EIF2B3: variants seen among roughly 807,000 people sequenced by gnomAD.
EIF2B3 encodes the protein eukaryotic translation initiation factor 2B subunit gamma.
A neutral mutation model predicts 54.1 loss-of-function variants in EIF2B3; 20 were observed. That is an observed-to-expected ratio of 0.37 (90% CI 0.26 to 0.54). The LOEUF (loss-of-function observed/expected upper bound fraction) is 0.54. Ranked by LOEUF, EIF2B3 falls within the 20% of genes least tolerant of loss-of-function variation. The pLI is 0.86. For missense variants in EIF2B3, 448 were observed against 547.8 expected (o/e 0.82, Z 1.82); for synonymous variants, 153 against 188.1 (o/e 0.81, Z 1.52).
At chr1:44,968,830 G>A (rs449870) in intron 3 of EIF2B3, among the ~76,000 whole-genome samples, 1,795 of 151,914 alleles carry the variant, frequency 0.012, 21 homozygotes, top group African/African-American at 0.025. Flanking sequence ...CTGGGAGGCG[G>A]AGGTTGCAGT....
intron 3 of EIF2B3, among the ~76,000 whole-genome samples, chr1:44,953,032 T>C (rs1644184692): frequency 6.6e-6 from 1 of 152,104 alleles, no homozygotes; most frequent in African/African-American, 2.4e-5. Context: ...AATCGAATAA[T>C]TGAATGCTTT....
At chr1:44,975,216 GA>G (rs375329264) in intron 3 of EIF2B3, among the ~76,000 whole-genome samples, 3 of 147,408 alleles carry the variant, frequency 2.0e-5, no homozygotes, top group Non-Finnish European at 4.5e-5. Context: ...GCTGTCTCAA[GA>G]AAAAAAAAAT....
intron 3 of EIF2B3, among the ~76,000 whole-genome samples, chr1:44,967,189 G>C (rs532635425): frequency 1.7e-4 from 26 of 151,078 alleles, no homozygotes; most frequent in African/African-American, 6.1e-4. Context: ...GCTCACGCTT[G>C]TAATCCCAGC....
chr1:44,880,901 C>T (rs1204831505), intron 7 of EIF2B3, among the ~76,000 whole-genome samples: 1 of 151,790 alleles, frequency 6.6e-6, no homozygotes, highest in Non-Finnish European at 1.5e-5. Flanking sequence ...GCGGAGCTTG[C>T]AGTGAGCCGA....
chr1:44,967,049 C>T (rs111423063), intron 3 of EIF2B3, among the ~76,000 whole-genome samples: 28,512 of 151,528 alleles, frequency 0.19, 2,846 homozygotes, highest in African/African-American at 0.23. Context: ...CTCTTGACCT[C>T]GTGATCTGCC....
rs965788781 is a variant in EIF2B3, at chr1:44,879,884, G to A, written c.909C>T (p.His303=). The change falls in exon 8 of 12, where the codon CAC becomes CAT. Residue 303 remains histidine (H), a synonymous_variant. Transcript: ENST00000360403. Reference sequence around the variant, plus strand: ...GAGAGCAGAGCCCCTCTTTCATGATGTGGACATAGCAGCGCACCTGTGATC... The same window carrying A: ...GAGAGCAGAGCCCCTCTTTCATGATATGGACATAGCAGCGCACCTGTGATC... ...LSRSQVRCYV[H]IMKEGLCSRV... is the part of the protein sequence containing the mutation. The A allele has an allele frequency of 6.2e-7, 1 of 1,614,184 alleles. No individual in the cohort carries two copies. The highest frequency in any genetic ancestry group is 8.5e-7 in the Non-Finnish European group (1 of 1,180,050).
intron 10 of EIF2B3, among the ~76,000 whole-genome samples, chr1:44,860,133 G>A (rs1468125172): frequency 6.6e-6 from 1 of 150,528 alleles, no homozygotes; most frequent in Non-Finnish European, 1.5e-5. Context: ...CATGACCACC[G>A]CTCCTGGCCA....
intron 3 of EIF2B3, among the ~76,000 whole-genome samples, chr1:44,942,390 TATATATATATATATATATATATATA>T (rs1644035105): frequency 1.3e-4 from 2 of 14,832 alleles, no homozygotes; most frequent in Admixed American, 7.3e-4. Flanking sequence ...TATATATATA[TATATATATATATATATATATATATA>T]TATTTTTTTT....
chr1:44,868,476 A>C (rs923339251), intron 10 of EIF2B3, among the ~76,000 whole-genome samples: 2 of 150,264 alleles, frequency 1.3e-5, no homozygotes, highest in Non-Finnish European at 3.0e-5. Context: ...TCTTCATATC[A>C]ATTAGGACAC....
At chr1:44,921,927 T>A (rs145222901) in intron 5 of EIF2B3, among the ~76,000 whole-genome samples, 11,529 of 151,260 alleles carry the variant, frequency 0.076, 1,498 homozygotes, top group African/African-American at 0.26. Flanking sequence ...TTATTTATTT[T>A]TTTTTGAGAT....
At chr1:44,874,576 T>C in intron 10 of EIF2B3, 102 bp downstream of exon 10, 1 of 1,329,482 alleles carries the variant, frequency 7.5e-7, no homozygotes, top group African/African-American at 1.5e-5. Context: ...GATTAGCACT[T>C]TGCCTGGGTA....
At chr1:44,974,687 A>T (rs948005095) in intron 3 of EIF2B3, among the ~76,000 whole-genome samples, 1 of 152,004 alleles carries the variant, frequency 6.6e-6, no homozygotes, top group Non-Finnish European at 1.5e-5. Flanking sequence ...TTTAATTTTT[A>T]AAAAGAATAA....
At chr1:44,898,200 A>G (rs1283721947) in intron 5 of EIF2B3, among the ~76,000 whole-genome samples, 1 of 152,102 alleles carries the variant, frequency 6.6e-6, no homozygotes, top group Non-Finnish European at 1.5e-5. Context: ...GAATAATCCT[A>G]ACTTGCTACT....
At chr1:44,952,321 A>C (rs1644174121) in intron 3 of EIF2B3, among the ~76,000 whole-genome samples, 1 of 150,846 alleles carries the variant, frequency 6.6e-6, no homozygotes, top group African/African-American at 2.4e-5. Context: ...GCTGGTCTTG[A>C]ACTCCTGATC....
chr1:44,981,651 T>C (rs1025028376), intron 1 of EIF2B3, among the ~76,000 whole-genome samples: 6 of 152,088 alleles, frequency 3.9e-5, no homozygotes, highest in African/African-American at 1.2e-4. Flanking sequence ...TTTGAAAATA[T>C]TAGGCTGGGT....
chr1:44,859,679 G>T (rs1212497552), intron 10 of EIF2B3, among the ~76,000 whole-genome samples: 1 of 152,058 alleles, frequency 6.6e-6, no homozygotes, highest in African/African-American at 2.4e-5. Flanking sequence ...GAAAAGAAAA[G>T]AAAAAAGAAA....
intron 3 of EIF2B3, among the ~76,000 whole-genome samples, chr1:44,975,986 ACT>A (rs893715287): frequency 1.5e-4 from 23 of 152,300 alleles, no homozygotes; most frequent in African/African-American, 5.3e-4. Context: ...AGAGAGCAAG[ACT>A]CTGTCTCAAA....
intron 3 of EIF2B3, among the ~76,000 whole-genome samples, chr1:44,965,929 C>G (rs982067882): frequency 5.3e-5 from 8 of 151,912 alleles, no homozygotes; most frequent in African/African-American, 1.9e-4. Flanking sequence ...TGTGAGCCAC[C>G]ATGCCTGGCC....
chr1:44,960,157 A>G (rs772765476), intron 3 of EIF2B3, among the ~76,000 whole-genome samples: 1 of 152,210 alleles, frequency 6.6e-6, no homozygotes, highest in Non-Finnish European at 1.5e-5. Context: ...CCCTATATGT[A>G]TTTAAAAATA....
Sources: allele counts gnomAD v4.1 joint callset (sites outside exome capture counted in the v4.1 genomes callset), GRCh38; gene constraint gnomAD v4.1.1; transcripts MANE v1.5; gene names NCBI Gene and HGNC (gene_info 2026-07-23, HGNC 2026-07-21).